The following ROCK1 variants were observed in gnomAD, a reference collection of about 807,000 sequenced individuals.
ROCK1 encodes the protein rho-associated protein kinase 1.
ROCK1 carries 36 observed loss-of-function variants against 196.8 expected under a neutral mutation model. The ratio of observed to expected loss-of-function variants is 0.18; its 90% CI spans 0.14 to 0.24. The LOEUF (loss-of-function observed/expected upper bound fraction) is 0.24, where lower values mean the gene tolerates loss of function less well. Ranked by LOEUF, ROCK1 falls within the 10% of genes least tolerant of loss-of-function variation. ROCK1 has a pLI of 1.00. For missense variants in ROCK1, 920 were observed against 1,562.0 expected (o/e 0.59, Z 6.93); for synonymous variants, 443 against 515.9 (o/e 0.86, Z 1.91).
chr18:21,039,288 AAGAGG>A (rs1442067817), intron 9 of ROCK1, among the ~76,000 whole-genome samples, 179 bp downstream of exon 9: 2 of 152,144 alleles, frequency 1.3e-5, no homozygotes, highest in East Asian at 3.8e-4. Context: ...CGTGGGACAT[AAGAGG>A]AGTAACAATA....
intron 1 of ROCK1, among the ~76,000 whole-genome samples, chr18:21,095,802 CAAT>C (rs1162644596): frequency 6.6e-6 from 1 of 150,740 alleles, no homozygotes; most frequent in Non-Finnish European, 1.5e-5. Context: ...TAACTATAGT[CAAT>C]AATAATTTAA....
chr18:20,963,182 A>C (rs1384979430), intron 27 of ROCK1, among the ~76,000 whole-genome samples: 2 of 152,116 alleles, frequency 1.3e-5, no homozygotes, highest in African/African-American at 4.8e-5. Context: ...ATATTTGTAG[A>C]ACAATTTTAA....
chr18:21,100,838 C>T (rs1568410526), intron 1 of ROCK1, among the ~76,000 whole-genome samples: 1 of 152,150 alleles, frequency 6.6e-6, no homozygotes, highest in Non-Finnish European at 1.5e-5. Context: ...CAGACCTCTT[C>T]CATAGAGCTA....
At chr18:21,008,941 C>T (rs780003939) in intron 13 of ROCK1, among the ~76,000 whole-genome samples, 12 of 152,036 alleles carry the variant, frequency 7.9e-5, no homozygotes, top group Middle Eastern at 3.4e-3. Flanking sequence ...GTGTATGATT[C>T]TCTCATTTTA....
At chr18:21,076,882 A>C (rs2036436456) in intron 1 of ROCK1, among the ~76,000 whole-genome samples, 1 of 152,146 alleles carries the variant, frequency 6.6e-6, no homozygotes, top group South Asian at 2.1e-4. Context: ...CAATCAAGTA[A>C]AAGCTATCCC....
intron 2 of ROCK1, among the ~76,000 whole-genome samples, chr18:21,062,763 G>C (rs1188991698): frequency 6.6e-6 from 1 of 152,134 alleles, no homozygotes; most frequent in East Asian, 1.9e-4. Context: ...TTATGATGGA[G>C]TTATGTTCCA....
chr18:21,085,121 A>C (rs1297463152), intron 1 of ROCK1, among the ~76,000 whole-genome samples: 2 of 152,194 alleles, frequency 1.3e-5, no homozygotes, highest in Non-Finnish European at 2.9e-5. Context: ...GTTACTGTTT[A>C]ATGGATACAG....
intron 29 of ROCK1, among the ~76,000 whole-genome samples, chr18:20,956,649 C>T (rs1423209169): frequency 6.6e-6 from 1 of 152,158 alleles, no homozygotes; most frequent in African/African-American, 2.4e-5. Flanking sequence ...AAACATCCAC[C>T]TCTTACCAAA....
At chr18:20,990,563 G>A (rs1415643160) in intron 18 of ROCK1, among the ~76,000 whole-genome samples, 5 of 150,616 alleles carry the variant, frequency 3.3e-5, no homozygotes, top group Admixed American at 6.6e-5. Flanking sequence ...GCATGGTGTC[G>A]GGTGCCTGTA....
At chr18:20,964,345 A>G (rs1175767274) in intron 27 of ROCK1, among the ~76,000 whole-genome samples, 15 of 152,200 alleles carry the variant, frequency 9.9e-5, no homozygotes, top group Admixed American at 5.2e-4. Context: ...AATGAATATC[A>G]ACATTCTTTA....
At chr18:20,958,945 A>G (rs2035279082) in intron 29 of ROCK1, among the ~76,000 whole-genome samples, 1 of 87,802 alleles carries the variant, frequency 1.1e-5, no homozygotes, top group South Asian at 2.8e-4. Context: ...TATAAAAAAT[A>G]ATATATATAT....
intron 16 of ROCK1, among the ~76,000 whole-genome samples, chr18:20,997,243 T>C (rs1047538588): frequency 2.0e-5 from 3 of 151,894 alleles, no homozygotes; most frequent in Non-Finnish European, 4.4e-5. Flanking sequence ...ACTTCATGTA[T>C]AAAGGTACAC....
In ROCK1 at chr18:21,023,704, A is replaced by G. The variant is rs113371473; in HGVS notation, c.1212-24T>C. On this transcript the variant is annotated intron_variant, in intron 10 of 32. Coordinates refer to ENST00000399799, the MANE Select transcript of ROCK1 (RefSeq NM_005406.3). ...ATCTGAGGGAAAGAAAAGTTTAAAA[A>G]GAAAAGAAAACAAAAAACTCTGTAA... 400 of 1,427,018 alleles carry G rather than the reference A, an allele frequency of 2.8e-4. 1 individual carries two copies. In the African/African-American group the frequency reaches 5.1e-3, roughly 18 times the overall value. The allele number at this position is 1,427,018 out of a possible 1,614,324, so 88.4% of individuals were successfully genotyped here. A position where few individuals can be genotyped will look rare whatever the true frequency, so the allele number is the denominator to read the frequency against.
chr18:21,103,862 A>G (rs1174833743), intron 1 of ROCK1, among the ~76,000 whole-genome samples: 1 of 152,236 alleles, frequency 6.6e-6, no homozygotes, highest in South Asian at 2.1e-4. Context: ...CAGAGATTTA[A>G]TAGCAAAACA....
intron 1 of ROCK1, among the ~76,000 whole-genome samples, chr18:21,099,299 T>C (rs146754495): frequency 3.1e-4 from 47 of 152,276 alleles, no homozygotes; most frequent in African/African-American, 1.1e-3. Context: ...TCTATGTATA[T>C]GTGTATATGG....
At chr18:21,082,554 C>T (rs778823719) in intron 1 of ROCK1, among the ~76,000 whole-genome samples, 2 of 152,042 alleles carry the variant, frequency 1.3e-5, no homozygotes, top group Non-Finnish European at 2.9e-5. Flanking sequence ...TGTAATCTAC[C>T]ACATTAATAG....
intron 1 of ROCK1, among the ~76,000 whole-genome samples, chr18:21,077,591 AGAG>A (rs1379762704): frequency 8.2e-6 from 1 of 121,516 alleles, no homozygotes; most frequent in East Asian, 2.5e-4. Context: ...ATCTAGGCCC[AGAG>A]GAGAAGTGGG....
intron 1 of ROCK1, among the ~76,000 whole-genome samples, chr18:21,088,600 C>A (rs948298708): frequency 6.6e-6 from 1 of 152,136 alleles, no homozygotes; most frequent in African/African-American, 2.4e-5. Flanking sequence ...AACAAATTTG[C>A]TATGGTCTGA....
intron 1 of ROCK1, among the ~76,000 whole-genome samples, chr18:21,079,854 TATTAAA>T (rs2036468190): frequency 6.6e-6 from 1 of 152,188 alleles, no homozygotes; most frequent in Admixed American, 6.5e-5. Context: ...TGTTGGATAA[TATTAAA>T]ATTAAGTCTC....
Sources: gnomAD v4.1 joint callset for allele counts (sites outside exome capture counted in the v4.1 genomes callset) on GRCh38, gnomAD v4.1.1 for gene constraint, MANE v1.5 for transcripts, NCBI Gene and HGNC (gene_info 2026-07-23, HGNC 2026-07-21) for gene names.